HCRTR2: variants seen among roughly 807,000 people sequenced by gnomAD.
HCRTR2 encodes the protein hypocretin receptor 2, also known as orexin receptor type 2.
A neutral mutation model predicts 49.0 loss-of-function variants in HCRTR2; 22 were observed. The observed-to-expected ratio is 0.45, with a 90% CI of 0.32 to 0.64. The LOEUF (loss-of-function observed/expected upper bound fraction) is 0.64, where lower values mean the gene tolerates loss of function less well. Among genes scored for constraint, HCRTR2 ranks in the 30% least tolerant of loss-of-function variants. The probability of loss-of-function intolerance (pLI) is 0.04; values close to 1 mark genes in which losing one functional copy is unlikely to be tolerated. For missense variants in HCRTR2, 491 were observed against 559.4 expected (o/e 0.88, Z 1.23); for synonymous variants, 236 against 205.3 (o/e 1.15, Z -1.28).
chr6:55,186,465 C>G (rs1395668193), intron 1 of HCRTR2, among the ~76,000 whole-genome samples: 12 of 152,126 alleles, frequency 7.9e-5, no homozygotes, highest in Admixed American at 5.9e-4. Flanking sequence ...ACTGAGATCT[C>G]CTTGACATGA....
At chr6:55,240,780 C>A (rs1448067235) in intron 1 of HCRTR2, 3 of 427,294 alleles carry the variant, frequency 7.0e-6, no homozygotes, top group Admixed American at 4.9e-5. Context: ...TGGATGACTG[C>A]ATTCCATGAC....
chr6:55,171,848 G>C (rs1343892394), upstream of HCRTR2, among the ~76,000 whole-genome samples: 1 of 152,184 alleles, frequency 6.6e-6, no homozygotes, highest in Non-Finnish European at 1.5e-5. Context: ...CAAAATGAAA[G>C]CTAATGACAC....
chr6:55,249,890 C>T (rs952682102), intron 2 of HCRTR2, among the ~76,000 whole-genome samples: 9 of 152,026 alleles, frequency 5.9e-5, no homozygotes, highest in East Asian at 1.9e-4. Context: ...TCAGTTTTTA[C>T]GCCATGCAGT....
rs76304987 is a variant in HCRTR2, at chr6:55,191,870, T to C, written c.223+17060T>C. ...TCCATCTAATCCATTTGCAGACATA[T>C]GGTTACCTATCTTTTCTTCAATATA... On this transcript the variant is annotated intron_variant, in intron 1 of 6. Transcript: ENST00000370862. 1.1e-3 allele frequency among the ~76,000 whole-genome samples: 170 copies of C among 152,282 alleles called. 3 individuals carry two copies. The East Asian group carries it at 0.028, about 25-fold the overall frequency.
chr6:55,173,677 T>C (rs1764983856), upstream of HCRTR2, among the ~76,000 whole-genome samples: 2 of 152,332 alleles, frequency 1.3e-5, no homozygotes, highest in South Asian at 4.1e-4. Flanking sequence ...TGGTCTGTCA[T>C]GCTTGACAAC....
intron 1 of HCRTR2, among the ~76,000 whole-genome samples, chr6:55,153,426 T>C (rs995436743): frequency 3.3e-5 from 5 of 152,040 alleles, no homozygotes; most frequent in Admixed American, 6.6e-5. Context: ...TATAGACAAT[T>C]GTGTAACACA....
chr6:55,266,203 T>C (rs1766857283), intron 4 of HCRTR2, among the ~76,000 whole-genome samples: 1 of 152,206 alleles, frequency 6.6e-6, no homozygotes, highest in South Asian at 2.1e-4. Flanking sequence ...AAGCATGTGT[T>C]GAATTGGTAT....
At chr6:55,197,885 T>G (rs1765446249) in intron 1 of HCRTR2, among the ~76,000 whole-genome samples, 1 of 152,180 alleles carries the variant, frequency 6.6e-6, no homozygotes, top group Non-Finnish European at 1.5e-5. Flanking sequence ...CCTCCCAAAG[T>G]GCTGGGATTA....
intron 1 of HCRTR2, among the ~76,000 whole-genome samples, chr6:55,133,548 C>A (rs1199387724): frequency 6.6e-6 from 1 of 151,814 alleles, no homozygotes; most frequent in Admixed American, 6.6e-5. Context: ...TTATTGATGA[C>A]CTCACTAACA....
intron 6 of HCRTR2, 149 bp from the exon 7 acceptor site, chr6:55,282,076 A>T (rs1767200915): frequency 1.6e-6 from 1 of 643,674 alleles, no homozygotes; most frequent in Admixed American, 2.4e-5. Context: ...CAATAAACTC[A>T]ATTTCCTTAT....
intron 1 of HCRTR2, among the ~76,000 whole-genome samples, chr6:55,178,552 A>C (rs758341095): frequency 1.3e-5 from 2 of 152,190 alleles, no homozygotes; most frequent in African/African-American, 2.4e-5. Flanking sequence ...AATTAATGTC[A>C]ATTTTTATCC....
chr6:55,242,003 G>A (rs989442554), intron 1 of HCRTR2, among the ~76,000 whole-genome samples: 2 of 151,044 alleles, frequency 1.3e-5, no homozygotes, highest in Admixed American at 1.3e-4. Flanking sequence ...TGAGTAGCTG[G>A]GATTACAGGC....
rs867772325 is a variant in HCRTR2, at chr6:55,174,603, T to C, written c.16T>C (p.Leu6=). The C allele has an allele frequency of 9.3e-6, 15 of 1,613,860 alleles. 2 individuals are homozygous for C. In the Middle Eastern group the frequency reaches 1.8e-3, roughly 195 times the overall value. The part of the protein sequence containing the change: MSGTK[L]EDSPPCRNWS... The stretch of plus-strand genomic sequence containing the variant: ...TGAGCCCGTGATGTCCGGCACCAAA[T>C]TGGAGGACTCCCCCCCTTGTCGCAA... The change falls in exon 1 of 7, where the codon TTG becomes CTG. Residue 6 remains leucine (L), a synonymous_variant. Transcript: ENST00000370862.
Position 55,242,787 on chromosome 6 carries a change from C to T in HCRTR2, c.224-5852C>T, listed in dbSNP as rs756141014. 3.3e-5 allele frequency among the ~76,000 whole-genome samples: 5 copies of T among 152,124 alleles called. No homozygotes were observed. The East Asian group carries it at 7.7e-4, about 23-fold the overall frequency. On this transcript the variant is annotated intron_variant, in intron 1 of 6. Coordinates refer to ENST00000370862, the MANE Select transcript of HCRTR2 (RefSeq NM_001384272.1). ...ATTGGTTTTGGAATGTAATTTTGCT[C>T]ATATACAATCTGTAAGATACTAAAA...
At chr6:55,115,220 G>A (rs1473413799) in intron 1 of HCRTR2, among the ~76,000 whole-genome samples, 2 of 151,406 alleles carry the variant, frequency 1.3e-5, no homozygotes, top group East Asian at 3.9e-4. Context: ...ATTAACTTAT[G>A]AGTTCTCCAA....
At chr6:55,164,799 T>C (rs1764853954) in intron 1 of HCRTR2, among the ~76,000 whole-genome samples, 1 of 151,604 alleles carries the variant, frequency 6.6e-6, no homozygotes, top group Non-Finnish European at 1.5e-5. Flanking sequence ...TATGAAAACA[T>C]GACCTTACCA....
intron 1 of HCRTR2, among the ~76,000 whole-genome samples, chr6:55,231,004 C>G (rs1766104538): frequency 6.6e-6 from 1 of 152,136 alleles, no homozygotes; most frequent in African/African-American, 2.4e-5. Context: ...CTTCCCATAA[C>G]TCTGATACCC....
chr6:55,119,952 G>T (rs1764172938), intron 1 of HCRTR2, among the ~76,000 whole-genome samples: 1 of 151,992 alleles, frequency 6.6e-6, no homozygotes, highest in Admixed American at 6.6e-5. Context: ...TTTGTATAAG[G>T]TATAAGGAAG....
intron 3 of HCRTR2, among the ~76,000 whole-genome samples, chr6:55,262,561 T>G (rs1766785417): frequency 7.6e-6 from 1 of 132,304 alleles, no homozygotes; most frequent in African/African-American, 2.8e-5. Flanking sequence ...TATTATATAT[T>G]ATATATTTAT....
Sources: allele counts gnomAD v4.1 joint callset (sites outside exome capture counted in the v4.1 genomes callset), GRCh38; gene constraint gnomAD v4.1.1; transcripts MANE v1.5; gene names NCBI Gene and HGNC (gene_info 2026-07-23, HGNC 2026-07-21).